The following MKX variants were observed in gnomAD, a reference collection of about 807,000 sequenced individuals.
MKX encodes mohawk homeobox.
A neutral mutation model predicts 36.0 loss-of-function variants in MKX; 13 were observed. That is an observed-to-expected ratio of 0.36 (90% CI 0.24 to 0.57). The LOEUF is 0.57. Among genes scored for constraint, MKX ranks in the 20% least tolerant of loss-of-function variants. MKX has a pLI of 0.79. For missense variants in MKX, 458 were observed against 456.4 expected (o/e 1.00, Z -0.03); for synonymous variants, 176 against 178.3 (o/e 0.99, Z 0.10).
At chr10:27,736,711 TA>T (rs200313147) in intron 3 of MKX, among the ~76,000 whole-genome samples, 196 of 151,618 alleles carry the variant, frequency 1.3e-3, no homozygotes, top group African/African-American at 4.0e-3. Flanking sequence ...TTATTCTACT[TA>T]AAAAAAAATC....
At chr10:27,681,506 G>A (rs1589651744) in intron 5 of MKX, among the ~76,000 whole-genome samples, 1 of 152,160 alleles carries the variant, frequency 6.6e-6, no homozygotes, top group Non-Finnish European at 1.5e-5. Context: ...ATAAAGTATA[G>A]CACATAAATT....
chr10:27,692,574 CTT>C (rs1312726192), intron 5 of MKX, among the ~76,000 whole-genome samples: 6 of 152,210 alleles, frequency 3.9e-5, no homozygotes, highest in African/African-American at 1.4e-4. Context: ...TTTTATAAGT[CTT>C]TGACTTTTTT....
chr10:27,686,036 G>C (rs993547863), intron 5 of MKX, among the ~76,000 whole-genome samples: 1 of 152,146 alleles, frequency 6.6e-6, no homozygotes, highest in African/African-American at 2.4e-5. Context: ...TGACCAAAGT[G>C]AGTTTTACTT....
At chr10:27,701,160 T>A (rs1053339695) in intron 5 of MKX, among the ~76,000 whole-genome samples, 1 of 152,138 alleles carries the variant, frequency 6.6e-6, no homozygotes, top group Non-Finnish European at 1.5e-5. Flanking sequence ...TTACTAAATC[T>A]GCTTTGATAA....
intron 5 of MKX, among the ~76,000 whole-genome samples, chr10:27,703,624 C>G (rs1387640008): frequency 6.6e-6 from 1 of 152,038 alleles, no homozygotes; most frequent in Non-Finnish European, 1.5e-5. Flanking sequence ...GTTGGCAGGG[C>G]TTGGTGGCTC....
At chr10:27,710,724 T>A (rs1398386791) in intron 5 of MKX, among the ~76,000 whole-genome samples, 1 of 152,236 alleles carries the variant, frequency 6.6e-6, no homozygotes, top group Non-Finnish European at 1.5e-5. Context: ...AGTGGTATGA[T>A]CTGGGCTCAC....
At chr10:27,692,946 C>G (rs1351228235) in intron 5 of MKX, among the ~76,000 whole-genome samples, 1 of 152,176 alleles carries the variant, frequency 6.6e-6, no homozygotes, top group East Asian at 1.9e-4. Flanking sequence ...GGCCACTGCT[C>G]AACCAAAACG....
In MKX at chr10:27,674,003, G is replaced by A. The variant is rs1028011553; in HGVS notation, c.*1226C>T. The stretch of plus-strand genomic sequence containing the variant: ...TTTCCACTGCTTATTCAAGTTTCAG[G>A]TCTTCCCAAGCTGATTGGAATATTA... On this transcript the variant is annotated 3_prime_UTR_variant, in exon 7 of 7. Coordinates refer to ENST00000419761, the MANE Select transcript of MKX (RefSeq NM_173576.3). The A allele has an allele frequency of 2.6e-5, 4 of 151,992 alleles. No individual in the cohort carries two copies. The highest frequency in any genetic ancestry group is 7.3e-5 in the African/African-American group (3 of 41,368). 9.4% of individuals were successfully genotyped at this position (151,992 alleles called of 1,614,324 possible).
chr10:27,708,620 T>C (rs1836798404), intron 5 of MKX, among the ~76,000 whole-genome samples: 1 of 152,040 alleles, frequency 6.6e-6, no homozygotes, highest in African/African-American at 2.4e-5. Flanking sequence ...TCTCAGCTAC[T>C]TGGGAGGCTG....
chr10:27,731,755 C>T (rs2132635187), intron 5 of MKX, among the ~76,000 whole-genome samples: 1 of 152,050 alleles, frequency 6.6e-6, no homozygotes, highest in African/African-American at 2.4e-5. Context: ...AAAAACAAGC[C>T]ACCGAGATAT....
chr10:27,696,674 C>T (rs1836560288), intron 5 of MKX, among the ~76,000 whole-genome samples: 1 of 152,126 alleles, frequency 6.6e-6, no homozygotes, highest in Non-Finnish European at 1.5e-5. Context: ...AGAGTGAGAA[C>T]GTGCATACCA....
intron 5 of MKX, among the ~76,000 whole-genome samples, chr10:27,711,472 T>TTTC: frequency 1.5e-4 from 1 of 6,824 alleles, no homozygotes; most frequent in East Asian, 4.5e-3. Flanking sequence ...TCTTTCTTTC[T>TTTC]TTCTTTCTTT....
rs56913373 is a variant in MKX, at chr10:27,716,436, C to CAAAA, written c.838+18016_838+18019dup. Among the ~76,000 whole-genome samples, 11 of 127,654 alleles carry CAAAA rather than the reference C, an allele frequency of 8.6e-5. 1 individual carries two copies. Among genetic ancestry groups the CAAAA allele is most frequent in the African/African-American group, 1.2e-4 (4 of 33,548 alleles). The allele number at this position is 127,654 out of a possible 152,430, so 83.7% of individuals were successfully genotyped here. Reference sequence around the variant, plus strand: ...AGACTCTGTCTCAAAAAAAAAAAAGCAAAAAAAAAAAAAAGCACACTGTCA... The same window carrying CAAAA: ...AGACTCTGTCTCAAAAAAAAAAAAGCAAAAAAAAAAAAAAAAAAGCACACTGTCA... On this transcript the variant is annotated intron_variant, in intron 5 of 6. Transcript: ENST00000419761.
intron 5 of MKX, among the ~76,000 whole-genome samples, chr10:27,690,946 A>T (rs1836443244): frequency 6.6e-6 from 1 of 152,142 alleles, no homozygotes; most frequent in Admixed American, 6.5e-5. Flanking sequence ...AACTCTCATG[A>T]GAGCTGATGG....
chr10:27,714,633 C>T (rs1414491717), intron 5 of MKX, among the ~76,000 whole-genome samples: 18 of 152,132 alleles, frequency 1.2e-4, no homozygotes, highest in Admixed American at 1.2e-3. Context: ...TTACTGCCGA[C>T]ACAATGACAG....
chr10:27,720,334 G>T (rs1589683600), intron 5 of MKX, among the ~76,000 whole-genome samples: 1 of 147,824 alleles, frequency 6.8e-6, no homozygotes, highest in Admixed American at 6.7e-5. Flanking sequence ...AAAAAAAAAA[G>T]AAAGCTAAAG....
At chr10:27,719,279 T>C (rs1054234062) in intron 5 of MKX, among the ~76,000 whole-genome samples, 5 of 152,060 alleles carry the variant, frequency 3.3e-5, no homozygotes, top group African/African-American at 4.8e-5. Flanking sequence ...GGCAAGACCG[T>C]GGAGAGTGTG....
At chr10:27,676,782 A>G (rs571568860) in intron 5 of MKX, among the ~76,000 whole-genome samples, 245 of 152,336 alleles carry the variant, frequency 1.6e-3, no homozygotes, top group African/African-American at 5.5e-3. Flanking sequence ...ATTTCCTGGC[A>G]TATTTATTAG....
chr10:27,734,941 T>C, intron 4 of MKX, 150 bp from the exon 5 acceptor site: 1 of 523,534 alleles, frequency 1.9e-6, no homozygotes, highest in South Asian at 7.2e-5. Context: ...TTTTAGGCAA[T>C]GAAAGCAAAT....
Sources: allele counts gnomAD v4.1 joint callset (sites outside exome capture counted in the v4.1 genomes callset), GRCh38; gene constraint gnomAD v4.1.1; transcripts MANE v1.5; gene names NCBI Gene and HGNC (gene_info 2026-07-23, HGNC 2026-07-21).